ZNF609: variants seen among roughly 807,000 people sequenced by gnomAD.
ZNF609 encodes the protein zinc finger protein 609.
ZNF609 carries 11 observed loss-of-function variants against 109.5 expected under a neutral mutation model. The observed-to-expected ratio is 0.10, with a 90% confidence interval of 0.06 to 0.17. The LOEUF is 0.17. Among genes scored for constraint, ZNF609 ranks in the 10% least tolerant of loss-of-function variants. The pLI, the probability that ZNF609 is intolerant of heterozygous loss-of-function variation, is 1.00. For missense variants in ZNF609, 1,559 were observed against 1,772.4 expected (o/e 0.88, Z 2.16); for synonymous variants, 646 against 662.0 (o/e 0.98, Z 0.37).
intron 1 of ZNF609, among the ~76,000 whole-genome samples, chr15:64,484,244 G>A (rs979259589): frequency 2.6e-5 from 4 of 152,164 alleles, no homozygotes; most frequent in African/African-American, 9.7e-5. Flanking sequence ...TTGAGATTAT[G>A]CTTCAGGAAT....
intron 2 of ZNF609, among the ~76,000 whole-genome samples, chr15:64,506,729 A>AG (rs1302345431): frequency 6.6e-6 from 1 of 151,480 alleles, no homozygotes; most frequent in Non-Finnish European, 1.5e-5. Flanking sequence ...TCAAGAAAAA[A>AG]AAAAAAGTTT....
chr15:64,672,006 CTTTTTTTTTTT>C (rs771330218), intron 4 of ZNF609, among the ~76,000 whole-genome samples: 1 of 86,754 alleles, frequency 1.2e-5, no homozygotes, highest in African/African-American at 5.6e-5. Context: ...GAGGCTTAGA[CTTTTTTTTTTT>C]TTTTTTTTTT....
chr15:64,570,878 T>C (rs769635693), intron 2 of ZNF609, among the ~76,000 whole-genome samples: 1 of 152,038 alleles, frequency 6.6e-6, no homozygotes, highest in Non-Finnish European at 1.5e-5. Flanking sequence ...ATACAAAAAT[T>C]AGCCAGGTGT....
intron 2 of ZNF609, among the ~76,000 whole-genome samples, chr15:64,613,004 G>C (rs1002120381): frequency 6.6e-6 from 1 of 151,936 alleles, no homozygotes; most frequent in African/African-American, 2.4e-5. Context: ...AACAGAGTGA[G>C]ACTCTGTCTA....
At position 64,589,942 on chromosome 15, in the gene ZNF609, A is replaced by G. The variant is rs528266613; in HGVS notation, c.748-32885A>G. ...ATAGTGAAAATTGAGACTAATGGATACTGGTAAAAAATTAGATGTGGTATG... is the reference window on the plus strand; with the variant it reads ...ATAGTGAAAATTGAGACTAATGGATGCTGGTAAAAAATTAGATGTGGTATG... On this transcript the variant is annotated intron_variant, in intron 2 of 9. Coordinates refer to ENST00000326648, the MANE Select transcript of ZNF609 (RefSeq NM_015042.2). 8.5e-5 allele frequency among the ~76,000 whole-genome samples: 13 copies of G among 152,372 alleles called. No homozygotes were observed. In the South Asian group the frequency reaches 2.7e-3, roughly 32 times the overall value.
At chr15:64,550,779 T>C (rs1894454502) in intron 2 of ZNF609, among the ~76,000 whole-genome samples, 2 of 142,392 alleles carry the variant, frequency 1.4e-5, no homozygotes, top group African/African-American at 2.7e-5. Flanking sequence ...GAAATTGCAG[T>C]GAGCCGATGA....
At chr15:64,477,144 T>TC (rs1288088041) in intron 1 of ZNF609, among the ~76,000 whole-genome samples, 1 of 146,354 alleles carries the variant, frequency 6.8e-6, no homozygotes, top group African/African-American at 2.5e-5. Flanking sequence ...TTCTTTTTTT[T>TC]TTTTTTTTTT....
At chr15:64,616,812 CTTTTTTTTTTT>C (rs56338576) in intron 2 of ZNF609, among the ~76,000 whole-genome samples, 531 of 32,882 alleles carry the variant, frequency 0.016, 19 homozygotes, top group African/African-American at 0.073. Context: ...AGCCACCATG[CTTTTTTTTTTT>C]TTTTTTTTTT....
chr15:64,644,946 TTC>T (rs145254377), intron 3 of ZNF609, among the ~76,000 whole-genome samples: 88 of 151,452 alleles, frequency 5.8e-4, no homozygotes, highest in African/African-American at 1.3e-3. Context: ...CTCCTAAATT[TTC>T]TCTCTCTTTC....
chr15:64,556,693 T>C (rs1339857787), intron 2 of ZNF609, among the ~76,000 whole-genome samples: 2 of 152,224 alleles, frequency 1.3e-5, no homozygotes, highest in Non-Finnish European at 2.9e-5. Flanking sequence ...CTGTTTGTAA[T>C]CTGTTAACAC....
chr15:64,550,803 C>T (rs529200645), intron 2 of ZNF609, among the ~76,000 whole-genome samples: 2 of 145,906 alleles, frequency 1.4e-5, no homozygotes, highest in South Asian at 2.3e-4. Context: ...TGCCACTGCA[C>T]TCCAGCCTGG....
intron 2 of ZNF609, among the ~76,000 whole-genome samples, chr15:64,572,187 G>A (rs1894868982): frequency 6.6e-6 from 1 of 152,174 alleles, no homozygotes; most frequent in Non-Finnish European, 1.5e-5. Context: ...TTCTGAGTGA[G>A]TTCTTCCCTG....
chr15:64,674,482 C>T lies in ZNF609; in HGVS notation c.1628C>T (p.Ala543Val), dbSNP rs762866358. Residue 543 changes from alanine (A) to valine (V), a missense_variant, in exon 5 of 10, where the codon GCA (alanine) becomes GTA (valine). Coordinates refer to ENST00000326648, the MANE Select transcript of ZNF609 (RefSeq NM_015042.2). The part of the protein sequence containing the change: ...SEYGEEPILH[A>V]DLGSCNGASV... ...TACGGAGAGGAACCTATTCTCCATG[C>T]AGATCTTGGGAGCTGCAACGGTGCA... is the stretch of plus-strand genomic sequence containing the variant. 1 of 1,614,144 alleles carries T rather than the reference C, an allele frequency of 6.2e-7. No individual in the cohort carries two copies. Among genetic ancestry groups the T allele is most frequent in the Non-Finnish European group, 8.5e-7 (1 of 1,180,042 alleles).
At chr15:64,500,352 C>T (rs1388656259) in intron 2 of ZNF609, 186 bp downstream of exon 2, 2 of 842,700 alleles carry the variant, frequency 2.4e-6, no homozygotes, top group East Asian at 2.6e-5. Context: ...CCTACAGACT[C>T]ATTTACAGCA....
intron 5 of ZNF609, among the ~76,000 whole-genome samples, chr15:64,677,141 G>C (rs1896820518): frequency 6.6e-6 from 1 of 151,662 alleles, no homozygotes; most frequent in South Asian, 2.1e-4. Context: ...ATAGCTCACT[G>C]CAATTTCCAA....
At chr15:64,557,887 G>A (rs565754142) in intron 2 of ZNF609, among the ~76,000 whole-genome samples, 43 of 151,992 alleles carry the variant, frequency 2.8e-4, no homozygotes, top group African/African-American at 9.6e-4. Context: ...CAGTAGAGAC[G>A]GGGTTTTACT....
intron 2 of ZNF609, chr15:64,529,632 T>C: frequency 1.1e-6 from 1 of 924,240 alleles, no homozygotes; most frequent in South Asian, 1.3e-5. Context: ...AGGCACCCAG[T>C]ACGACCAAAT....
chr15:64,579,192 A>C (rs952633639), intron 2 of ZNF609, among the ~76,000 whole-genome samples: 17 of 152,014 alleles, frequency 1.1e-4, no homozygotes, highest in Admixed American at 1.1e-3. Flanking sequence ...TAGTGTAGGG[A>C]GACCCATCTC....
chr15:64,656,830 T>C lies in ZNF609; in HGVS notation c.974-13516T>C, dbSNP rs555693870. 2.0e-5 allele frequency among the ~76,000 whole-genome samples: 3 copies of C among 148,648 alleles called. No homozygotes were observed. In the South Asian group the frequency reaches 7.0e-4, roughly 35 times the overall value. ...TCTTTAGATCCAGCATCCCAACTAA[T>C]GGTTTTGAATATATCCATTCTCCGA... is the stretch of plus-strand genomic sequence containing the variant. On this transcript the variant is annotated intron_variant, in intron 3 of 9. Transcript: ENST00000326648.
Sources: allele counts gnomAD v4.1 joint callset (sites outside exome capture counted in the v4.1 genomes callset), GRCh38; gene constraint gnomAD v4.1.1; transcripts MANE v1.5; gene names NCBI Gene and HGNC (gene_info 2026-07-23, HGNC 2026-07-21).